SIM1: variants seen among roughly 807,000 people sequenced by gnomAD.
SIM1 encodes the protein SIM bHLH transcription factor 1.
In SIM1, 18 loss-of-function variants were observed where a neutral mutation model predicts 78.2. That is an observed-to-expected ratio of 0.23 (90% CI 0.16 to 0.34). SIM1 has a LOEUF of 0.34. Ranked by LOEUF, SIM1 falls within the 10% of genes least tolerant of loss-of-function variation. The pLI, the probability that SIM1 is intolerant of heterozygous loss-of-function variation, is 1.00. For missense variants in SIM1, 939 were observed against 975.1 expected (o/e 0.96, Z 0.49); for synonymous variants, 417 against 385.2 (o/e 1.08, Z -0.97).
At chr6:100,392,777 G>A (rs146199960) in intron 11 of SIM1, among the ~76,000 whole-genome samples, 92 of 152,346 alleles carry the variant, frequency 6.0e-4, no homozygotes, top group Non-Finnish European at 6.2e-4. Flanking sequence ...CTGGACCCAA[G>A]CTTGGGATGG....
intron 9 of SIM1, among the ~76,000 whole-genome samples, chr6:100,441,568 T>A (rs536878136): frequency 6.6e-6 from 1 of 152,368 alleles, no homozygotes; most frequent in East Asian, 1.9e-4. Flanking sequence ...ATGTTAAATC[T>A]GGTTGCAGAA....
At chr6:100,412,608 A>AAAGAAAGAAAGAAAGG (rs1771239322) in intron 10 of SIM1, among the ~76,000 whole-genome samples, 5 of 104,598 alleles carry the variant, frequency 4.8e-5, no homozygotes, top group Non-Finnish European at 2.0e-5. Context: ...AGAAAGAAAG[A>AAAGAAAGAAAGAAAGG]AAGGAAAGAA....
chr6:100,410,643 G>A (rs528614359), intron 10 of SIM1, among the ~76,000 whole-genome samples: 1 of 152,318 alleles, frequency 6.6e-6, no homozygotes, highest in African/African-American at 2.4e-5. Context: ...CAGGTGGACT[G>A]GAGTGGGTAG....
chr6:100,450,665 GTC>G (rs374252955), intron 3 of SIM1, among the ~76,000 whole-genome samples: 2,355 of 117,226 alleles, frequency 0.02, 30 homozygotes, highest in African/African-American at 0.026. Context: ...CACACACACT[GTC>G]TCTCTCTCTC....
At position 100,448,138 on chromosome 6, in the gene SIM1, C is replaced by A; in HGVS notation, c.850+8G>T. On this transcript the variant is annotated splice_region_variant and intron_variant, in intron 8 of 11. Coordinates refer to ENST00000369208, the MANE Select transcript of SIM1 (RefSeq NM_005068.3). ...GTTGCTAGGGTACGGGGCAGGGTGG[C>A]GCCTTACGCAAATGGTGCGCGCAGC... The A allele has an allele frequency of 3.1e-6, 5 of 1,607,320 alleles. No individual in the cohort carries two copies. Among genetic ancestry groups the A allele is most frequent in the Non-Finnish European group, 4.3e-6 (5 of 1,176,454 alleles).
chr6:100,400,507 A>G (rs1770887508), intron 10 of SIM1, among the ~76,000 whole-genome samples: 3 of 152,240 alleles, frequency 2.0e-5, no homozygotes, highest in South Asian at 4.1e-4. Context: ...AAAATAGGCA[A>G]ACACAAATTA....
chr6:100,428,456 A>G (rs976138366), intron 9 of SIM1, among the ~76,000 whole-genome samples: 1 of 152,200 alleles, frequency 6.6e-6, no homozygotes, highest in African/African-American at 2.4e-5. Context: ...TCATGAGTAA[A>G]ATGAATTAAA....
At chr6:100,421,916 C>T (rs1439869851) in intron 9 of SIM1, among the ~76,000 whole-genome samples, 1 of 152,148 alleles carries the variant, frequency 6.6e-6, no homozygotes, top group African/African-American at 2.4e-5. Context: ...ACTCGCTGGG[C>T]TGCCCCTCGG....
chr6:100,400,201 G>A (rs928467539), intron 10 of SIM1, among the ~76,000 whole-genome samples: 7 of 151,436 alleles, frequency 4.6e-5, no homozygotes, highest in African/African-American at 1.7e-4. Flanking sequence ...ACAGAGTAAA[G>A]TAAATTTTAA....
Position 100,390,804 on chromosome 6 carries a change from G to A in SIM1, c.1858C>T (p.His620Tyr). Residue 620 changes from histidine (H) to tyrosine (Y), a missense_variant, in exon 12 of 12, where the codon CAT becomes TAT. Physicochemically the swap from His to Tyr is moderately conservative, Grantham distance 83. Around this residue, in one of 5 missense-constraint regions of SIM1, gnomAD observed 556 missense variants for 521.9 expected, o/e 1.07. Coordinates refer to ENST00000369208, the MANE Select transcript of SIM1 (RefSeq NM_005068.3). The stretch of plus-strand genomic sequence containing the variant: ...GAAGTGTTGGCAAGAGCAGAGCCAT[G>A]GCAGACTTCACCTGTTGGTGGGGGC... ...QQPPPTGEVC[H>Y]GSALANTSPC... The A allele has an allele frequency of 6.2e-7, 1 of 1,614,166 alleles. No individual in the cohort carries two copies. The highest frequency in any genetic ancestry group is 1.3e-5 in the African/African-American group (1 of 75,040).
At chr6:100,441,288 A>T (rs1772208928) in intron 9 of SIM1, among the ~76,000 whole-genome samples, 1 of 152,198 alleles carries the variant, frequency 6.6e-6, no homozygotes, top group East Asian at 1.9e-4. Context: ...ATGGCACAGC[A>T]GACCCAAGAA....
intron 10 of SIM1, among the ~76,000 whole-genome samples, chr6:100,402,795 C>G (rs911304202): frequency 6.6e-6 from 1 of 151,936 alleles, no homozygotes; most frequent in African/African-American, 2.4e-5. Flanking sequence ...CCAGGATGGT[C>G]TCGATCTCCT....
At chr6:100,444,373 A>G (rs191650478) in intron 9 of SIM1, among the ~76,000 whole-genome samples, 130 of 152,280 alleles carry the variant, frequency 8.5e-4, no homozygotes, top group African/African-American at 2.9e-3. Context: ...ATAACTTATA[A>G]GAAAAATCTT....
intron 10 of SIM1, among the ~76,000 whole-genome samples, chr6:100,407,990 T>TC (rs1324210494): frequency 2.0e-5 from 3 of 152,122 alleles, no homozygotes; most frequent in Admixed American, 2.0e-4. Context: ...TTTGATGTAC[T>TC]CCCACTGATT....
chr6:100,438,749 G>T (rs7741057), intron 9 of SIM1, among the ~76,000 whole-genome samples: 41,268 of 152,110 alleles, frequency 0.27, 5,793 homozygotes, highest in East Asian at 0.4. Flanking sequence ...AGAAAATGTG[G>T]TATATATATA....
At position 100,408,175 on chromosome 6, in the gene SIM1, G is replaced by T. The variant is rs1771098112; in HGVS notation, c.1167+12615C>A. Among the ~76,000 whole-genome samples, 4 of 151,802 alleles carry T rather than the reference G, an allele frequency of 2.6e-5. No homozygotes were observed. In the South Asian group the frequency reaches 8.3e-4, roughly 32 times the overall value. ...TTCATTCTTTGTATGTAGATATCTG[G>T]TTTTCCCAGCACAATTTATTGAAAA... On this transcript the variant is annotated intron_variant, in intron 10 of 11. Coordinates refer to ENST00000369208, the MANE Select transcript of SIM1 (RefSeq NM_005068.3).
chr6:100,438,216 A>T (rs1445821124), intron 9 of SIM1, among the ~76,000 whole-genome samples: 2 of 152,232 alleles, frequency 1.3e-5, no homozygotes, highest in Non-Finnish European at 2.9e-5. Flanking sequence ...TGTGCATCTG[A>T]CAAAGAACGA....
At position 100,385,531 on chromosome 6, in the gene SIM1, A is replaced by T. The variant is rs1013094261; in HGVS notation, c.*4830T>A. 2.0e-5 allele frequency: 3 copies of T among 152,038 alleles called. No individual in the cohort carries two copies. The highest frequency in any genetic ancestry group is 7.2e-5 in the African/African-American group (3 of 41,424). The allele number at this position is 152,038 out of a possible 1,614,324, so 9.4% of individuals were successfully genotyped here. On this transcript the variant is annotated 3_prime_UTR_variant, in exon 12 of 12. Transcript: ENST00000369208. ...TACATGTGTCCCAGGTCAGCAAATTAGGGCAAATTAACCCCAACCCCATAT... is the reference window on the plus strand; with the variant it reads ...TACATGTGTCCCAGGTCAGCAAATTTGGGCAAATTAACCCCAACCCCATAT...
chr6:100,400,300 A>C (rs1770879695), intron 10 of SIM1, among the ~76,000 whole-genome samples: 1 of 152,056 alleles, frequency 6.6e-6, no homozygotes, highest in Admixed American at 6.5e-5. Context: ...CTGATAATAA[A>C]GAAGAAAGCT....
Sources: allele counts gnomAD v4.1 joint callset (sites outside exome capture counted in the v4.1 genomes callset), GRCh38; gene constraint gnomAD v4.1.1; regional missense constraint gnomAD v4.1.1; transcripts MANE v1.5; gene names NCBI Gene and HGNC (gene_info 2026-07-23, HGNC 2026-07-21).